DYNC1I1: variants seen among roughly 807,000 people sequenced by gnomAD.
The protein encoded by DYNC1I1 is dynein cytoplasmic 1 intermediate chain 1, also known as cytoplasmic dynein 1 intermediate chain 1.
In DYNC1I1, 43 loss-of-function variants were observed where a neutral mutation model predicts 86.6. The ratio of observed to expected loss-of-function variants is 0.50; its 90% confidence interval spans 0.39 to 0.64. DYNC1I1 has a LOEUF of 0.64. Ranked by LOEUF, DYNC1I1 falls within the 30% of genes least tolerant of loss-of-function variation. DYNC1I1 has a pLI of 0.00. For missense variants in DYNC1I1, 604 were observed against 788.8 expected (o/e 0.77, Z 2.81); for synonymous variants, 262 against 283.7 (o/e 0.92, Z 0.77).
intron 14 of DYNC1I1, among the ~76,000 whole-genome samples, chr7:96,067,326 T>C (rs951335313): frequency 7.3e-5 from 11 of 151,254 alleles, no homozygotes; most frequent in African/African-American, 2.7e-4. Flanking sequence ...GTCTGACTTA[T>C]TTTTTTTTCT....
At chr7:95,986,738 G>A in intron 8 of DYNC1I1, among the ~76,000 whole-genome samples, 1 of 151,928 alleles carries the variant, frequency 6.6e-6, no homozygotes, top group East Asian at 2.0e-4. Flanking sequence ...CTTCAGGCCA[G>A]AGCCTTTCAG....
intron 6 of DYNC1I1, among the ~76,000 whole-genome samples, chr7:95,943,343 A>G (rs1792294058): frequency 6.6e-6 from 1 of 151,848 alleles, no homozygotes; most frequent in South Asian, 2.1e-4. Context: ...TTCAAGGAGA[A>G]CTACAAACCA....
At chr7:96,097,421 T>C (rs1791047190) in intron 16 of DYNC1I1, 62 bp from the exon 17 acceptor site, 3 of 1,592,426 alleles carry the variant, frequency 1.9e-6, no homozygotes, top group Admixed American at 3.4e-5. Context: ...TCATTCAGGC[T>C]TCAAGGCTTT....
At chr7:96,024,125 AT>A (rs1395179287) in intron 10 of DYNC1I1, among the ~76,000 whole-genome samples, 1 of 152,204 alleles carries the variant, frequency 6.6e-6, no homozygotes, top group East Asian at 1.9e-4. Context: ...GGCCACATCA[AT>A]GAAATCAATA....
intron 14 of DYNC1I1, among the ~76,000 whole-genome samples, chr7:96,062,335 G>C (rs1789806630): frequency 6.6e-6 from 1 of 152,072 alleles, no homozygotes; most frequent in South Asian, 2.1e-4. Flanking sequence ...GACATGTTTT[G>C]GTTGTTTGCT....
intron 6 of DYNC1I1, among the ~76,000 whole-genome samples, chr7:95,968,177 G>A (rs1793066083): frequency 6.6e-6 from 1 of 151,048 alleles, no homozygotes; most frequent in South Asian, 2.1e-4. Flanking sequence ...AAGCCAAGGT[G>A]GCCTTAACCG....
At chr7:95,958,894 T>C (rs1051207866) in intron 6 of DYNC1I1, among the ~76,000 whole-genome samples, 3 of 152,190 alleles carry the variant, frequency 2.0e-5, no homozygotes, top group Admixed American at 1.3e-4. Context: ...AACACGATTA[T>C]GGCCCTTGAG....
intron 15 of DYNC1I1, among the ~76,000 whole-genome samples, chr7:96,077,078 A>G (rs1790362062): frequency 6.6e-6 from 1 of 152,148 alleles, no homozygotes; most frequent in Non-Finnish European, 1.5e-5. Flanking sequence ...CTCTCTATAA[A>G]TAAGAATGGA....
intron 13 of DYNC1I1, 82 bp from the exon 14 acceptor site, chr7:96,039,195 G>GT: frequency 2.0e-6 from 3 of 1,479,780 alleles, no homozygotes; most frequent in Non-Finnish European, 2.7e-6. Flanking sequence ...AGAGTTGAGG[G>GT]TTTTTTGTTT....
At chr7:95,892,494 G>A (rs1201663662) in intron 6 of DYNC1I1, among the ~76,000 whole-genome samples, 1 of 152,168 alleles carries the variant, frequency 6.6e-6, no homozygotes, top group Non-Finnish European at 1.5e-5. Flanking sequence ...TGTATTTTTA[G>A]TAGAGATGGG....
chr7:95,917,891 A>C (rs911225447), intron 6 of DYNC1I1, among the ~76,000 whole-genome samples: 2 of 152,196 alleles, frequency 1.3e-5, no homozygotes, highest in African/African-American at 4.8e-5. Context: ...TTCTCCGTGA[A>C]ACATTCTGCC....
intron 6 of DYNC1I1, among the ~76,000 whole-genome samples, chr7:95,933,592 A>G (rs1791960353): frequency 6.6e-6 from 1 of 152,184 alleles, no homozygotes; most frequent in African/African-American, 2.4e-5. Context: ...CAAAACCTAT[A>G]TTTTCATGAA....
intron 6 of DYNC1I1, among the ~76,000 whole-genome samples, chr7:95,942,586 C>T (rs1053914603): frequency 6.6e-6 from 1 of 152,088 alleles, no homozygotes; most frequent in African/African-American, 2.4e-5. Context: ...GAATTTTAGA[C>T]CAATATCCTT....
chr7:95,833,556 T>G (rs1788984532), intron 5 of DYNC1I1, among the ~76,000 whole-genome samples: 1 of 136,320 alleles, frequency 7.3e-6, no homozygotes, highest in Non-Finnish European at 1.6e-5. Context: ...TAAATTACCT[T>G]GGGCAGTATG....
intron 6 of DYNC1I1, among the ~76,000 whole-genome samples, chr7:95,930,438 G>C (rs1275254180): frequency 6.6e-6 from 1 of 152,138 alleles, no homozygotes; most frequent in Non-Finnish European, 1.5e-5. Context: ...ATATTTCAAT[G>C]TTACCATTTT....
intron 14 of DYNC1I1, among the ~76,000 whole-genome samples, chr7:96,042,783 C>A (rs1428794362): frequency 6.6e-6 from 1 of 152,120 alleles, no homozygotes; most frequent in Non-Finnish European, 1.5e-5. Context: ...AACATGTAGT[C>A]TGTCTTTTCT....
At chr7:95,799,592 C>CTT (rs974884991) in intron 1 of DYNC1I1, among the ~76,000 whole-genome samples, 1 of 148,992 alleles carries the variant, frequency 6.7e-6, no homozygotes, top group Non-Finnish European at 1.5e-5. Context: ...GAGAAGTTTT[C>CTT]TTTTTTTTTA....
At position 95,957,101 on chromosome 7, in the gene DYNC1I1, C is replaced by A. The variant is rs1792736087; in HGVS notation, c.491-20411C>A. Reference sequence around the variant, plus strand: ...TATTTCTTAGCTCTAAAAACATAATCTTGGTTTGCAATAGGGGCAATATAA... The same window carrying A: ...TATTTCTTAGCTCTAAAAACATAATATTGGTTTGCAATAGGGGCAATATAA... On this transcript the variant is annotated intron_variant, in intron 6 of 16. Transcript: ENST00000447467. 2.0e-5 allele frequency among the ~76,000 whole-genome samples: 3 copies of A among 152,102 alleles called. No individual in the cohort carries two copies. In the South Asian group the frequency reaches 6.2e-4, roughly 32 times the overall value.
intron 11 of DYNC1I1, among the ~76,000 whole-genome samples, chr7:96,031,323 T>C (rs1011281652): frequency 6.6e-6 from 1 of 152,166 alleles, no homozygotes; most frequent in Non-Finnish European, 1.5e-5. Context: ...AGTGACAGTC[T>C]GGGTAAGAAA....
Sources: gnomAD v4.1 joint callset for allele counts (sites outside exome capture counted in the v4.1 genomes callset) on GRCh38, gnomAD v4.1.1 for gene constraint, MANE v1.5 for transcripts, NCBI Gene and HGNC (gene_info 2026-07-23, HGNC 2026-07-21) for gene names.